Variants in MAP2K1 observed in about 807,000 individuals in gnomAD.
MAP2K1 encodes the protein dual specificity mitogen-activated protein kinase kinase 1.
Under a neutral mutation model 46.3 loss-of-function variants are expected in MAP2K1, and 16 were observed. The ratio of observed to expected loss-of-function variants is 0.35; its 90% CI spans 0.23 to 0.52. MAP2K1 has a LOEUF of 0.52. MAP2K1 is among the 20% of genes least tolerant of loss of function. MAP2K1 has a pLI of 0.94. For synonymous variants in MAP2K1, 183 were observed against 185.6 expected (o/e 0.99, Z 0.11); for missense variants, 263 against 497.1 (o/e 0.53, Z 4.48).
intron 1 of MAP2K1, among the ~76,000 whole-genome samples, chr15:66,410,495 A>G (rs900981329): frequency 2.6e-5 from 4 of 152,242 alleles, no homozygotes; most frequent in Admixed American, 2.6e-4. Context: ...AGTTAATCTG[A>G]AATGATAACA....
intron 3 of MAP2K1, 71 bp downstream of exon 3, chr15:66,436,963 C>A (rs2140584840): frequency 6.5e-7 from 1 of 1,549,052 alleles, no homozygotes; most frequent in South Asian, 1.1e-5. Flanking sequence ...AATCTTTGGT[C>A]TGGGAGGTGA....
intron 5 of MAP2K1, chr15:66,453,617 G>T: frequency 1.4e-6 from 1 of 700,928 alleles, no homozygotes; most frequent in African/African-American, 1.7e-5. Flanking sequence ...CCTGCCTATG[G>T]GCTTCCTCAT....
intron 5 of MAP2K1, among the ~76,000 whole-genome samples, chr15:66,448,173 A>AAAC (rs398027714): frequency 2.7e-5 from 4 of 149,912 alleles, no homozygotes; most frequent in African/African-American, 4.9e-5. Context: ...AAAAAAAAAA[A>AAAC]CCCACTATTT....
intron 2 of MAP2K1, among the ~76,000 whole-genome samples, chr15:66,435,572 C>A (rs1374744118): frequency 6.6e-6 from 1 of 152,102 alleles, no homozygotes; most frequent in African/African-American, 2.4e-5. Flanking sequence ...AGGTGATACG[C>A]CCGCCTCAGC....
At chr15:66,463,348 G>T (rs966381006) in intron 5 of MAP2K1, among the ~76,000 whole-genome samples, 1 of 152,192 alleles carries the variant, frequency 6.6e-6, no homozygotes, top group Non-Finnish European at 1.5e-5. Flanking sequence ...GCACTGAGGG[G>T]GTGTGAACCC....
intron 5 of MAP2K1, among the ~76,000 whole-genome samples, chr15:66,478,360 C>T (rs1239165780): frequency 7.5e-6 from 1 of 132,586 alleles, no homozygotes; most frequent in Non-Finnish European, 1.6e-5. Flanking sequence ...AATATATATA[C>T]ACACATATAT....
Position 66,434,089 on chromosome 15 carries a change from A to G in MAP2K1, c.81-938A>G, listed in dbSNP as rs368710583. On this transcript the variant is annotated intron_variant, in intron 1 of 10. Transcript: ENST00000307102. ...AGCTGGTATTGTAGTTAAGTAATGT[A>G]TTTAGGTATCAGATAAACTGATGAA... Among the ~76,000 whole-genome samples, 19 of 152,322 alleles carry G rather than the reference A, an allele frequency of 1.2e-4. No homozygotes were observed. In the East Asian group the frequency reaches 2.9e-3, roughly 23 times the overall value.
intron 1 of MAP2K1, among the ~76,000 whole-genome samples, chr15:66,399,131 C>G (rs1390165585): frequency 6.6e-6 from 1 of 152,128 alleles, no homozygotes; most frequent in Non-Finnish European, 1.5e-5. Flanking sequence ...AATTCATATT[C>G]ATACATAATG....
intron 1 of MAP2K1, among the ~76,000 whole-genome samples, chr15:66,423,442 CTT>C (rs35710848): frequency 4.2e-4 from 58 of 139,182 alleles, no homozygotes; most frequent in Middle Eastern, 3.6e-3. Context: ...TTTTTCTTTC[CTT>C]TTTTTTTTTT....
At chr15:66,483,013 A>G (rs897387322) in intron 6 of MAP2K1, among the ~76,000 whole-genome samples, 6 of 152,186 alleles carry the variant, frequency 3.9e-5, no homozygotes, top group Admixed American at 2.6e-4. Context: ...TGGTTGTCCC[A>G]GGAAATAAAG....
At chr15:66,456,354 A>T (rs915552454) in intron 5 of MAP2K1, among the ~76,000 whole-genome samples, 2 of 152,222 alleles carry the variant, frequency 1.3e-5, no homozygotes, top group Non-Finnish European at 2.9e-5. Flanking sequence ...GACATAGATT[A>T]TTAGTCAGAA....
At chr15:66,436,714 A>G in intron 2 of MAP2K1, 32 bp from the exon 3 acceptor site, 2 of 1,611,060 alleles carry the variant, frequency 1.2e-6, no homozygotes, top group East Asian at 2.2e-5. Context: ...TCTTTCTTTC[A>G]TAAAACCTCT....
At chr15:66,432,959 A>AGT (rs1164509967) in intron 1 of MAP2K1, among the ~76,000 whole-genome samples, 12,339 of 131,800 alleles carry the variant, frequency 0.094, 559 homozygotes, top group African/African-American at 0.1. Flanking sequence ...CATCATGCAC[A>AGT]GTGTGTGTGT....
chr15:66,434,352 C>T (rs931906759), intron 1 of MAP2K1, among the ~76,000 whole-genome samples: 3 of 152,332 alleles, frequency 2.0e-5, no homozygotes, highest in Admixed American at 2.0e-4. Context: ...GTATTATGTT[C>T]TGGTCCATGT....
At chr15:66,480,474 C>T (rs372904158) in intron 5 of MAP2K1, among the ~76,000 whole-genome samples, 16 of 152,204 alleles carry the variant, frequency 1.1e-4, no homozygotes, top group Admixed American at 5.2e-4. Flanking sequence ...TGGTGACTCA[C>T]GCCTATAGTC....
chr15:66,462,666 TA>T (rs1188196918), intron 5 of MAP2K1, among the ~76,000 whole-genome samples: 1 of 151,486 alleles, frequency 6.6e-6, no homozygotes, highest in Non-Finnish European at 1.5e-5. Flanking sequence ...ACATACATGA[TA>T]AAAAACCTCA....
At chr15:66,470,993 C>T (rs1892619894) in intron 5 of MAP2K1, among the ~76,000 whole-genome samples, 3 of 152,126 alleles carry the variant, frequency 2.0e-5, no homozygotes, top group Admixed American at 1.3e-4. Context: ...GCTTCGAGGT[C>T]CCAGGTAGGT....
intron 7 of MAP2K1, among the ~76,000 whole-genome samples, chr15:66,485,698 C>T (rs1322587594): frequency 6.6e-6 from 1 of 152,132 alleles, no homozygotes; most frequent in Admixed American, 6.5e-5. Context: ...CCTACCTCAG[C>T]GTCCTGAGTA....
intron 1 of MAP2K1, among the ~76,000 whole-genome samples, chr15:66,405,211 G>A (rs2093393456): frequency 6.6e-6 from 1 of 152,208 alleles, no homozygotes; most frequent in African/African-American, 2.4e-5. Context: ...ACTCAGGTCT[G>A]TCCTACTCTG....
Sources: gnomAD v4.1 joint callset for allele counts (sites outside exome capture counted in the v4.1 genomes callset) on GRCh38, gnomAD v4.1.1 for gene constraint, MANE v1.5 for transcripts, NCBI Gene and HGNC (gene_info 2026-07-23, HGNC 2026-07-21) for gene names.